The following UBQLNL variants were observed in gnomAD, a reference collection of about 807,000 sequenced individuals.
The protein encoded by UBQLNL is ubiquilin-like protein.
For missense variants in UBQLNL, 589 were observed against 567.1 expected (o/e 1.04, Z -0.39); for synonymous variants, 223 against 209.7 (o/e 1.06, Z -0.55).
chr11:5,516,450 G>C lies in UBQLNL; in HGVS notation c.-9C>G. The C allele has an allele frequency of 6.2e-7, 1 of 1,608,490 alleles. No homozygotes were observed. Among genetic ancestry groups the C allele is most frequent in the Non-Finnish European group, 8.5e-7 (1 of 1,175,668 alleles). On this transcript the variant is annotated 5_prime_UTR_variant, in exon 1 of 1. Coordinates refer to ENST00000380184, the MANE Select transcript of UBQLNL (RefSeq NM_145053.5). ...GAGATGGCATGCCACATGGGCTTTA[G>C]TGGGTGGGCAGATGGGGAGCAGGTG...
Position 5,516,644 on chromosome 11 carries a change from T to C in UBQLNL, c.-203A>G. 3.4e-6 allele frequency: 2 copies of C among 585,266 alleles called. No individual in the cohort carries two copies. Among genetic ancestry groups the C allele is most frequent in the Non-Finnish European group, 6.2e-6 (2 of 321,782 alleles). The allele number at this position is 585,266 out of a possible 1,614,324, so 36.3% of individuals were successfully genotyped here. A position where few individuals can be genotyped will look rare whatever the true frequency, so the allele number is the denominator to read the frequency against. On this transcript the variant is annotated 5_prime_UTR_variant, in exon 1 of 1. Coordinates refer to ENST00000380184, the MANE Select transcript of UBQLNL (RefSeq NM_145053.5). ...TGTGCCCTCACCCCAGTTCTCCAGA[T>C]GTGGCCCAGCTGAGGCCTGGCATAG... is the stretch of plus-strand genomic sequence containing the variant.
In UBQLNL at chr11:5,516,268, C is replaced by T. The variant is rs950372611; in HGVS notation, c.174G>A (p.Met58Ile). ...DDISVRQFKE[M>I]LLAHFQCQMD... ...TCTGGCATTGGAAGTGAGCCAATAG[C>T]ATCTCCTTGAACTGCCTTACCGAGA... Residue 58 changes from methionine to isoleucine, a missense_variant, in exon 1 of 1, where the codon ATG becomes ATA. Physicochemically the swap from Met to Ile is conservative, Grantham distance 10. Coordinates refer to ENST00000380184, the MANE Select transcript of UBQLNL (RefSeq NM_145053.5). 7.4e-6 allele frequency: 12 copies of T among 1,614,086 alleles called. No individual in the cohort carries two copies. The Admixed American group carries it at 1.0e-4, about 13-fold the overall frequency.
chr11:5,514,890 G>A lies in UBQLNL; in HGVS notation c.*124C>T, dbSNP rs559535543. 4.0e-5 allele frequency: 36 copies of A among 895,246 alleles called. No homozygotes were observed. Among genetic ancestry groups the A allele is most frequent in the Admixed American group, 1.2e-4 (5 of 43,444 alleles). 55.5% of individuals were successfully genotyped at this position (895,246 alleles called of 1,614,324 possible). A position where few individuals can be genotyped will look rare whatever the true frequency, so the allele number is the denominator to read the frequency against. On this transcript the variant is annotated 3_prime_UTR_variant, in exon 1 of 1. Coordinates refer to ENST00000380184, the MANE Select transcript of UBQLNL (RefSeq NM_145053.5). Reference sequence around the variant, plus strand: ...TGTGTCAGGATAGCTGCAGCTGGGGGCAGGAAGCCAACCCAGGCCCCATAG... The same window carrying A: ...TGTGTCAGGATAGCTGCAGCTGGGGACAGGAAGCCAACCCAGGCCCCATAG...
Position 5,515,126 on chromosome 11 carries a change from AG to A in UBQLNL, c.1285del (p.Leu429TrpfsTer14), listed in dbSNP as rs1846510015. On this transcript the variant is annotated frameshift_variant, in exon 2 of 2. Coordinates refer to the UBQLNL transcript ENST00000673910. LOFTEE classifies it low-confidence loss of function (END_TRUNC). ...TGTGAACAACATAATCTGAGCTGCC[AG>A]GTAGGGGTTGTTCATAAGCAACTGC... 2 of 1,614,104 alleles carry A rather than the reference AG, an allele frequency of 1.2e-6. No homozygotes were observed. The highest frequency in any genetic ancestry group is 1.1e-5 in the South Asian group (1 of 91,084).
In UBQLNL at chr11:5,515,220, G is replaced by C. The variant is rs764383191; in HGVS notation, c.1222C>G (p.Gln408Glu). 1.2e-6 allele frequency: 2 copies of C among 1,614,220 alleles called. No homozygotes were observed. Among genetic ancestry groups the C allele is most frequent in the Admixed American group, 1.7e-5 (1 of 60,034 alleles). ...AGCTGGAGATCACCCTTTAATGTCT[G>C]TCTGGAGCTACTTAGAGAAACAGTG... Reference protein sequence around the residue: ...DATVSLSSSRQTLKGDLQLSD... With the variant: ...DATVSLSSSRETLKGDLQLSD... The change falls in exon 1 of 1, where the codon CAG becomes GAG. Residue 408 changes from glutamine to glutamate, a missense_variant. Coordinates refer to ENST00000380184, the MANE Select transcript of UBQLNL (RefSeq NM_145053.5).
At position 5,515,700 on chromosome 11, in the gene UBQLNL, G is replaced by C. The variant is rs367885166; in HGVS notation, c.742C>G (p.Leu248Val). The C allele has an allele frequency of 3.4e-5, 55 of 1,614,042 alleles. 1 individual carries two copies. In the African/African-American group the frequency reaches 6.8e-4, roughly 20 times the overall value. ...GGCTGTGGGTTCAGTGGATACTCAAGGTTTTGTGAAGGTTGTTGGATCTGC... is the reference window on the plus strand; with the variant it reads ...GGCTGTGGGTTCAGTGGATACTCAACGTTTTGTGAAGGTTGTTGGATCTGC... ...IMQIQQPSQNLEYPLNPQPYL... is the reference protein window; with the variant it reads ...IMQIQQPSQNVEYPLNPQPYL... The change falls in exon 1 of 1, where the codon CTT (leucine) becomes GTT (valine). Residue 248 changes from leucine (L) to valine (V), a missense_variant. By Grantham distance (32) the Leu-to-Val change is conservative. Coordinates refer to ENST00000380184, the MANE Select transcript of UBQLNL (RefSeq NM_145053.5).
At position 5,516,347 on chromosome 11, in the gene UBQLNL, C is replaced by T. The variant is rs138254897; in HGVS notation, c.95G>A (p.Arg32Gln). 1.1e-4 allele frequency: 184 copies of T among 1,614,108 alleles called. No individual in the cohort carries two copies. In the African/African-American group the frequency reaches 2.0e-3, roughly 18 times the overall value. ...ADKNISSSAT[R>Q]VIVKTAGNQK... ...GTTGCCTGCAGTCTTCACTATCACT[C>T]GAGTGGCACTTGAAGAGATATTTTT... The change falls in exon 1 of 1, where the codon CGA becomes CAA. Residue 32 changes from arginine to glutamine, a missense_variant. By Grantham distance (43) the Arg-to-Gln change is conservative. Transcript: ENST00000380184.
chr11:5,516,189 G>A lies in UBQLNL; in HGVS notation c.253C>T (p.Leu85=). 1 of 1,614,170 alleles carries A rather than the reference G, an allele frequency of 6.2e-7. No individual in the cohort carries two copies. The highest frequency in any genetic ancestry group is 8.5e-7 in the Non-Finnish European group (1 of 1,180,032). The stretch of plus-strand genomic sequence containing the variant: ...CCATCCATGATGCCCCTCTGGCTCA[G>A]TGTGTCATGGTCTTTGAGAAGGCAA... ...MGCLLKDHDT[L]SQRGIMDGHT... is the part of the protein sequence containing the mutation. Residue 85 remains leucine (L), a synonymous_variant, in exon 1 of 1, where the codon CTG becomes TTG. Transcript: ENST00000380184.
At position 5,516,274 on chromosome 11, in the gene UBQLNL, C is replaced by T. The variant is rs1044400031; in HGVS notation, c.168G>A (p.Lys56=). The change falls in exon 1 of 1, where the codon AAG becomes AAA. Residue 56 remains lysine, a synonymous_variant. Transcript: ENST00000380184. ...VADDISVRQF[K]EMLLAHFQCQ... ...ATTGGAAGTGAGCCAATAGCATCTC[C>T]TTGAACTGCCTTACCGAGATGTCAT... 1.9e-6 allele frequency: 3 copies of T among 1,614,078 alleles called. No homozygotes were observed. Among genetic ancestry groups the T allele is most frequent in the Non-Finnish European group, 2.5e-6 (3 of 1,180,034 alleles).
rs1846506036 is a variant in UBQLNL at position 5,514,807 on chromosome 11, G to A, written c.*207C>T. ...CTCTGCAGGACTGTTCCAGGCTTGT[G>A]GCAGCACTCAGGTCCCTTGGGCTCA... On this transcript the variant is annotated 3_prime_UTR_variant, in exon 1 of 1. Coordinates refer to ENST00000380184, the MANE Select transcript of UBQLNL (RefSeq NM_145053.5). 3.4e-6 allele frequency: 2 copies of A among 594,184 alleles called. No individual in the cohort carries two copies. The highest frequency in any genetic ancestry group is 4.3e-5 in the South Asian group (2 of 46,380). 36.8% of individuals were successfully genotyped at this position (594,184 alleles called of 1,614,324 possible). A position where few individuals can be genotyped will look rare whatever the true frequency, so the allele number is the denominator to read the frequency against.
At position 5,516,197 on chromosome 11, in the gene UBQLNL, T is replaced by C. The variant is rs1305748095; in HGVS notation, c.245A>G (p.His82Arg). Residue 82 changes from histidine to arginine, a missense_variant, in exon 1 of 1, where the codon CAT becomes CGT. Coordinates refer to ENST00000380184, the MANE Select transcript of UBQLNL (RefSeq NM_145053.5). ...GATGCCCCTCTGGCTCAGTGTGTCA[T>C]GGTCTTTGAGAAGGCAACCCATGAA... ...LVFMGCLLKD[H>R]DTLSQRGIMD... The C allele has an allele frequency of 2.5e-6, 4 of 1,614,164 alleles. No individual in the cohort carries two copies. The highest frequency in any genetic ancestry group is 3.4e-6 in the Non-Finnish European group (4 of 1,180,024).
In UBQLNL at chr11:5,516,072, G is replaced by A. The variant is rs143659852; in HGVS notation, c.370C>T (p.Arg124Trp). The A allele has an allele frequency of 2.4e-4, 383 of 1,613,984 alleles. No homozygotes were observed. The African/African-American group carries it at 4.1e-3, about 17-fold the overall frequency. ...RDLPTNDPCH[R>W]DRNTKGNSSR... ...CTGTTTCCTTTGGTGTTTCTGTCCCGGTGGCAGGGATCATTCGTTGGCAGG... is the reference window on the plus strand; with the variant it reads ...CTGTTTCCTTTGGTGTTTCTGTCCCAGTGGCAGGGATCATTCGTTGGCAGG... Residue 124 changes from arginine to tryptophan, a missense_variant, in exon 1 of 1, where the codon CGG becomes TGG. Coordinates refer to ENST00000380184, the MANE Select transcript of UBQLNL (RefSeq NM_145053.5).
rs142657773 is a variant in UBQLNL, at chr11:5,516,362, G to A, written c.80C>T (p.Ser27Phe). 7 of 1,613,998 alleles carry A rather than the reference G, an allele frequency of 4.3e-6. No homozygotes were observed. The highest frequency in any genetic ancestry group is 1.6e-4 in the Middle Eastern group (1 of 6,082). ...CACTATCACTCGAGTGGCACTTGAA[G>A]AGATATTTTTGTCTGCCAGCAGACC... ...PSGLLADKNI[S>F]SSATRVIVKT... The change falls in exon 1 of 1, where the codon TCT becomes TTT. Residue 27 changes from serine (S) to phenylalanine (F), a missense_variant. Coordinates refer to ENST00000380184, the MANE Select transcript of UBQLNL (RefSeq NM_145053.5).
In UBQLNL at chr11:5,516,269, A is replaced by T. The variant is rs1406102659; in HGVS notation, c.173T>A (p.Met58Lys). The T allele has an allele frequency of 6.2e-7, 1 of 1,614,140 alleles. No individual in the cohort carries two copies. Among genetic ancestry groups the T allele is most frequent in the Non-Finnish European group, 8.5e-7 (1 of 1,180,022 alleles). ...CTGGCATTGGAAGTGAGCCAATAGC[A>T]TCTCCTTGAACTGCCTTACCGAGAT... ...DDISVRQFKE[M>K]LLAHFQCQMD... Residue 58 changes from methionine to lysine, a missense_variant, in exon 1 of 1, where the codon ATG becomes AAG. Coordinates refer to ENST00000380184, the MANE Select transcript of UBQLNL (RefSeq NM_145053.5).
chr11:5,515,609 T>C lies in UBQLNL; in HGVS notation c.833A>G (p.Asn278Ser), dbSNP rs557825356. Residue 278 changes from asparagine to serine, a missense_variant, in exon 1 of 1, where the codon AAT (asparagine) becomes AGT (serine). Coordinates refer to ENST00000380184, the MANE Select transcript of UBQLNL (RefSeq NM_145053.5). ...TTGCATGCTGTTCAGCATTTGATCA[T>C]TGATATCAGCATAGTTCTGACCCAG... is the stretch of plus-strand genomic sequence containing the variant. ...NALGQNYADINDQMLNSMQDP... is the reference protein window; with the variant it reads ...NALGQNYADISDQMLNSMQDP... 15 of 1,614,186 alleles carry C rather than the reference T, an allele frequency of 9.3e-6. No homozygotes were observed. In the Admixed American group the frequency reaches 1.3e-4, roughly 14 times the overall value.
At position 5,514,952 on chromosome 11, in the gene UBQLNL, T is replaced by G. The variant is rs1410088743; in HGVS notation, c.*62A>C. 6.5e-7 allele frequency: 1 copy of G among 1,532,390 alleles called. No individual in the cohort carries two copies. Among genetic ancestry groups the G allele is most frequent in the African/African-American group, 1.4e-5 (1 of 73,340 alleles). The allele number at this position is 1,532,390 out of a possible 1,614,324, so 94.9% of individuals were successfully genotyped here. A position where few individuals can be genotyped will look rare whatever the true frequency, so the allele number is the denominator to read the frequency against. ...CCCAAGGCAGAAGAACAGGAGCCTC[T>G]GTGGCCAGCAGCTGGAGGGCCTGCT... On this transcript the variant is annotated 3_prime_UTR_variant, in exon 1 of 1. Coordinates refer to ENST00000380184, the MANE Select transcript of UBQLNL (RefSeq NM_145053.5).
rs1206794167 is a variant in UBQLNL, at chr11:5,515,851, T to C, written c.591A>G (p.Glu197=). 4 of 1,614,148 alleles carry C rather than the reference T, an allele frequency of 2.5e-6. No individual in the cohort carries two copies. The highest frequency in any genetic ancestry group is 2.5e-6 in the Non-Finnish European group (3 of 1,180,026). ...NMEFMWQFIS[E]HLDTQQLMQQ... is the part of the protein sequence containing the mutation. Reference sequence around the variant, plus strand: ...GCATCAATTGTTGCGTGTCTAGATGTTCTGAAATGAACTGCCACATGAACT... The same window carrying C: ...GCATCAATTGTTGCGTGTCTAGATGCTCTGAAATGAACTGCCACATGAACT... The change falls in exon 1 of 1, where the codon GAA becomes GAG. Residue 197 remains glutamate (E), a synonymous_variant. Coordinates refer to ENST00000380184, the MANE Select transcript of UBQLNL (RefSeq NM_145053.5).
chr11:5,515,344 C>T lies in UBQLNL; in HGVS notation c.1098G>A (p.Lys366=), dbSNP rs745629578. Residue 366 remains lysine (K), a synonymous_variant, in exon 1 of 1, where the codon AAG becomes AAA. Coordinates refer to ENST00000380184, the MANE Select transcript of UBQLNL (RefSeq NM_145053.5). Reference sequence around the variant, plus strand: ...GAGTGGCACAGATATGGCTCTGGCCCTTGGTGGAAATCATAGCAGTGTTGG... The same window carrying T: ...GAGTGGCACAGATATGGCTCTGGCCTTTGGTGGAAATCATAGCAGTGTTGG... ...SKANTAMIST[K]GQSHICATRQ... 6.2e-6 allele frequency: 10 copies of T among 1,614,062 alleles called. No homozygotes were observed. Among genetic ancestry groups the T allele is most frequent in the Non-Finnish European group, 8.5e-6 (10 of 1,180,044 alleles).
In UBQLNL at chr11:5,514,682, G is replaced by C. The variant is rs903999321; in HGVS notation, c.*332C>G. On this transcript the variant is annotated 3_prime_UTR_variant, in exon 1 of 1. Coordinates refer to ENST00000380184, the MANE Select transcript of UBQLNL (RefSeq NM_145053.5). ...TGAGTGCCTGTAGATTGGCATGGTG[G>C]TTCCCAAATCCCATGGCCTGGAGAG... The C allele has an allele frequency of 3.7e-6, 1 of 266,962 alleles. No homozygotes were observed. 16.5% of individuals were successfully genotyped at this position (266,962 alleles called of 1,614,324 possible). A position where few individuals can be genotyped will look rare whatever the true frequency, so the allele number is the denominator to read the frequency against.
Sources: allele counts gnomAD v4.1 joint callset, GRCh38; gene constraint gnomAD v4.1.1; transcripts MANE v1.5; gene names NCBI Gene and HGNC (gene_info 2026-07-23, HGNC 2026-07-21).